PCDH18: variants seen among roughly 807,000 people sequenced by gnomAD.
The protein encoded by PCDH18 is protocadherin 18.
Under a neutral mutation model 71.5 loss-of-function variants are expected in PCDH18, and 38 were observed. The ratio of observed to expected loss-of-function variants is 0.53; its 90% CI spans 0.41 to 0.70. The LOEUF (loss-of-function observed/expected upper bound fraction) is 0.70, where lower values mean the gene tolerates loss of function less well. Ranked by LOEUF, PCDH18 falls within the 30% of genes least tolerant of loss-of-function variation. The pLI is 0.00. For synonymous variants in PCDH18, 565 were observed against 505.4 expected, an observed-to-expected ratio of 1.12 and a Z score of -1.58; for missense variants, 1,334 against 1,384.6, an observed-to-expected ratio of 0.96 and a Z score of 0.58.
rs1250440247 is a variant in PCDH18 at position 137,521,622 on chromosome 4, G to A, written c.2815C>T (p.Pro939Ser). The change falls in exon 4 of 4, where the codon CCG (proline) becomes TCG (serine). Residue 939 changes from proline to serine, a missense_variant. This residue lies in a region of PCDH18 where 319 missense variants were observed against 316.3 expected (regional missense o/e 1.01). Transcript: ENST00000344876. ...ATGTTACTCCTATAATCAGAAGACG[G>A]TGAGGGCAGTGGTGGCATCCAGCAC... ...DQCWMPPLPS[P>S]SSDYRSNMFI... The A allele has an allele frequency of 6.2e-7, 1 of 1,613,372 alleles. No individual in the cohort carries two copies. Among genetic ancestry groups the A allele is most frequent in the South Asian group, 1.1e-5 (1 of 91,078 alleles).
chr4:137,519,285 G>A lies in PCDH18; in HGVS notation c.*1744C>T, dbSNP rs908056193. ...ACTTTTCAGTTACTTAACTTTCCCA[G>A]TGTTTCAATTCCTGACTAGCAAGCC... On this transcript the variant is annotated 3_prime_UTR_variant, in exon 4 of 4. Transcript: ENST00000344876. 1.3e-5 allele frequency: 2 copies of A among 152,058 alleles called. No homozygotes were observed. The highest frequency in any genetic ancestry group is 1.3e-4 in the Admixed American group (2 of 15,272). The allele number at this position is 152,058 out of a possible 1,614,324, so 9.4% of individuals were successfully genotyped here. A position where few individuals can be genotyped will look rare whatever the true frequency, so the allele number is the denominator to read the frequency against.
chr4:137,528,922 T>C, intron 1 of PCDH18, 102 bp from the exon 2 acceptor site: 1 of 837,982 alleles, frequency 1.2e-6, no homozygotes, highest in Non-Finnish European at 2.0e-6. Context: ...ACTAAGTAAT[T>C]GAATATATTC....
intron 3 of PCDH18, among the ~76,000 whole-genome samples, chr4:137,528,005 C>A (rs1247107225): frequency 6.6e-6 from 1 of 152,088 alleles, no homozygotes; most frequent in Admixed American, 6.5e-5. Context: ...GTACAATTTC[C>A]AGTGTATTTT....
At chr4:137,522,603 T>C (rs1169910998) in intron 3 of PCDH18, among the ~76,000 whole-genome samples, 1 of 152,224 alleles carries the variant, frequency 6.6e-6, no homozygotes, top group Non-Finnish European at 1.5e-5. Flanking sequence ...TTCAGTATTA[T>C]GATTTCATTT....
At position 137,532,447 on chromosome 4, in the gene PCDH18, T is replaced by C. The variant is rs1731748742; in HGVS notation, c.-359A>G. ...AGCGATTCTTTCTCCCTTTAGCTGC[T>C]CGGCTGCAGACTAAACACCCGTGAT... On this transcript the variant is annotated 5_prime_UTR_variant, in exon 1 of 4. Coordinates refer to ENST00000344876, the MANE Select transcript of PCDH18 (RefSeq NM_019035.5). 1 of 662,800 alleles carries C rather than the reference T, an allele frequency of 1.5e-6. No homozygotes were observed. Among genetic ancestry groups the C allele is most frequent in the Non-Finnish European group, 2.7e-6 (1 of 364,894 alleles). The allele number at this position is 662,800 out of a possible 1,614,324, so 41.1% of individuals were successfully genotyped here. A position where few individuals can be genotyped will look rare whatever the true frequency, so the allele number is the denominator to read the frequency against.
chr4:137,522,956 A>G lies in PCDH18; in HGVS notation c.2741-1260T>C, dbSNP rs1279129487. Among the ~76,000 whole-genome samples the G allele has an allele frequency of 2.0e-5, 3 of 152,208 alleles. No individual in the cohort carries two copies. The South Asian group carries it at 6.2e-4, about 31-fold the overall frequency. ...AAAAGAAGTAATGGTCTTTGATTGA[A>G]GGCGTAGAAATTGCTGCTTTTCTCT... On this transcript the variant is annotated intron_variant, in intron 3 of 3. Transcript: ENST00000344876.
intron 3 of PCDH18, among the ~76,000 whole-genome samples, chr4:137,527,280 C>A (rs914047609): frequency 6.6e-6 from 1 of 152,174 alleles, no homozygotes; most frequent in Non-Finnish European, 1.5e-5. Context: ...TATATACAGC[C>A]TACGCACATC....
rs762444822 is a variant in PCDH18 at position 137,530,488 on chromosome 4, T to A, written c.1601A>T (p.Asp534Val). The change falls in exon 1 of 4, where the codon GAT becomes GTT. Residue 534 changes from aspartate (D) to valine (V), a missense_variant. Physicochemically the swap from Asp to Val is radical, Grantham distance 152. This residue lies in a region of PCDH18 where 1,011 missense variants were observed against 1,048.0 expected (regional missense o/e 0.96). Coordinates refer to ENST00000344876, the MANE Select transcript of PCDH18 (RefSeq NM_019035.5). ...NGAIYALRIF[D>V]HEEVSQITFV... ...AGTGATCTGACTCACTTCTTCATGA[T>A]CAAAGATTCTGAGGGCATAGATGGC... The A allele has an allele frequency of 1.1e-5, 17 of 1,614,088 alleles. No individual in the cohort carries two copies. Among genetic ancestry groups the A allele is most frequent in the Non-Finnish European group, 1.3e-5 (15 of 1,179,986 alleles).
chr4:137,528,869 A>G (rs1448490253), intron 1 of PCDH18, 49 bp from the exon 2 acceptor site: 2 of 1,229,432 alleles, frequency 1.6e-6, no homozygotes, highest in South Asian at 1.2e-5. Context: ...GCCTCCAAAC[A>G]CTCACAATCT....
Position 137,520,994 on chromosome 4 carries a change from T to A in PCDH18, c.*35A>T. 1.3e-6 allele frequency: 2 copies of A among 1,485,896 alleles called. No homozygotes were observed. The highest frequency in any genetic ancestry group is 1.8e-6 in the Non-Finnish European group (2 of 1,098,362). 92.0% of individuals were successfully genotyped at this position (1,485,896 alleles called of 1,614,324 possible). ...TTGTTGTTGTTGTTCCCTATTTCCA[T>A]ATACATGGAAACAAAAATGCTTCGC... On this transcript the variant is annotated 3_prime_UTR_variant, in exon 4 of 4. Coordinates refer to ENST00000344876, the MANE Select transcript of PCDH18 (RefSeq NM_019035.5).
At position 137,531,146 on chromosome 4, in the gene PCDH18, C is replaced by T; in HGVS notation, c.943G>A (p.Glu315Lys). The change falls in exon 1 of 4, where the codon GAA (glutamate) becomes AAA (lysine). Residue 315 changes from glutamate to lysine, a missense_variant. Transcript: ENST00000344876. ...TCAATCTCATAGGATTTGGTGATTT[C>T]ATAATCCACTTGCTTGAAAAGAGTC... ...HLTLFKQVDY[E>K]ITKSYEIDVQ... The T allele has an allele frequency of 9.3e-6, 15 of 1,613,762 alleles. No individual in the cohort carries two copies. The highest frequency in any genetic ancestry group is 1.3e-5 in the Non-Finnish European group (15 of 1,179,764).
Position 137,530,037 on chromosome 4 carries a change from T to G in PCDH18, c.2052A>C (p.Thr684=). ...CMIFEYAESV[T]STAMTSVSQA... is the part of the protein sequence containing the mutation. ...GGCTTACTGAAGTCATTGCTGTACTTGTCACCGACTCTGCATATTCAAAGA... is the reference window on the plus strand; with the variant it reads ...GGCTTACTGAAGTCATTGCTGTACTGGTCACCGACTCTGCATATTCAAAGA... The change falls in exon 1 of 4, where the codon ACA becomes ACC. Residue 684 remains threonine, a synonymous_variant. Transcript: ENST00000344876. The G allele has an allele frequency of 6.2e-7, 1 of 1,614,112 alleles. No homozygotes were observed. Among genetic ancestry groups the G allele is most frequent in the Middle Eastern group, 1.7e-4 (1 of 6,060 alleles).
rs568596459 is a variant in PCDH18, at chr4:137,523,079, G to A, written c.2741-1383C>T. 3.1e-4 allele frequency among the ~76,000 whole-genome samples: 47 copies of A among 152,176 alleles called. 1 individual carries two copies. Among genetic ancestry groups the A allele is most frequent in the Non-Finnish European group, 6.2e-4 (42 of 68,016 alleles). ...AGGAGGATAATTTGAGGAATAAAAT[G>A]AGATCAAGTATTATGAGTGAGAAAA... On this transcript the variant is annotated intron_variant, in intron 3 of 3. Transcript: ENST00000344876.
rs1306378880 is a variant in PCDH18, at chr4:137,532,363, G to T, written c.-275C>A. On this transcript the variant is annotated 5_prime_UTR_variant, in exon 1 of 4. Coordinates refer to ENST00000344876, the MANE Select transcript of PCDH18 (RefSeq NM_019035.5). ...GTGTCACCTCCGCGTTTTCTCCCTT[G>T]TGTAGTCGGAATCCATCTATTGCAG... 5.7e-6 allele frequency: 4 copies of T among 702,262 alleles called. No individual in the cohort carries two copies. Among genetic ancestry groups the T allele is most frequent in the Non-Finnish European group, 1.0e-5 (4 of 384,912 alleles). The allele number at this position is 702,262 out of a possible 1,614,324, so 43.5% of individuals were successfully genotyped here. A position where few individuals can be genotyped will look rare whatever the true frequency, so the allele number is the denominator to read the frequency against.
chr4:137,527,534 T>A (rs944773665), intron 3 of PCDH18, among the ~76,000 whole-genome samples: 2 of 152,176 alleles, frequency 1.3e-5, no homozygotes, highest in East Asian at 3.9e-4. Context: ...TGTCTGAGGC[T>A]CCCTCATGTT....
At position 137,531,032 on chromosome 4, in the gene PCDH18, C is replaced by G; in HGVS notation, c.1057G>C (p.Glu353Gln). The change falls in exon 1 of 4, where the codon GAA becomes CAA. Residue 353 changes from glutamate to glutamine, a missense_variant. By Grantham distance (29) the Glu-to-Gln change is conservative. Coordinates refer to ENST00000344876, the MANE Select transcript of PCDH18 (RefSeq NM_019035.5). ...KVVDVNDNKP[E>Q]ININLMSPGK... is the part of the protein sequence containing the mutation. ...GGGGACATGAGGTTGATGTTAATTT[C>G]AGGTTTATTGTCATTAACATCCACA... 6.2e-7 allele frequency: 1 copy of G among 1,609,350 alleles called. No homozygotes were observed. Among genetic ancestry groups the G allele is most frequent in the Non-Finnish European group, 8.5e-7 (1 of 1,177,870 alleles).
intron 3 of PCDH18, among the ~76,000 whole-genome samples, chr4:137,522,698 T>C (rs558228628): frequency 6.6e-6 from 1 of 152,300 alleles, no homozygotes; most frequent in East Asian, 1.9e-4. Context: ...TATACTTATA[T>C]ATTAAGAGCT....
intron 3 of PCDH18, among the ~76,000 whole-genome samples, chr4:137,525,974 T>C (rs566597355): frequency 6.6e-6 from 1 of 152,208 alleles, no homozygotes; most frequent in South Asian, 2.1e-4. Context: ...AATTCAGTTT[T>C]CTACAGTTTA....
Position 137,529,653 on chromosome 4 carries a change from G to A in PCDH18, c.2436C>T (p.His812=), listed in dbSNP as rs760323206. The A allele has an allele frequency of 1.9e-6, 3 of 1,613,160 alleles. No individual in the cohort carries two copies. Among genetic ancestry groups the A allele is most frequent in the East Asian group, 2.2e-5 (1 of 44,852 alleles). ...LNSLVTISSN[H]VPENFSLELT... ...GTTCTAATGAGAAATTCTCTGGCAC[G>A]TGGTTTGATGAGATTGTCACCAAAC... Residue 812 remains histidine, a synonymous_variant, in exon 1 of 4, where the codon CAC becomes CAT. Coordinates refer to ENST00000344876, the MANE Select transcript of PCDH18 (RefSeq NM_019035.5).
Sources: gnomAD v4.1 joint callset for allele counts (sites outside exome capture counted in the v4.1 genomes callset) on GRCh38, gnomAD v4.1.1 for gene constraint, gnomAD v4.1.1 regional missense constraint, MANE v1.5 for transcripts, NCBI Gene and HGNC (gene_info 2026-07-23, HGNC 2026-07-21) for gene names.